Variants in SH3BGRL2 observed in about 807,000 individuals in gnomAD.
SH3BGRL2 encodes SH3 domain-binding glutamic acid-rich-like protein 2.
In SH3BGRL2, 21 loss-of-function variants were observed where a neutral mutation model predicts 14.8. The ratio of observed to expected loss-of-function variants is 1.42; its 90% confidence interval spans 1.01 to 2.05. The LOEUF is 2.05. Ranked by LOEUF, SH3BGRL2 falls within the 30% of genes most tolerant of loss-of-function variation. SH3BGRL2 has a pLI of 0.00. For synonymous variants in SH3BGRL2, 50 were observed against 47.8 expected, an observed-to-expected ratio of 1.05 and a Z score of -0.19; for missense variants, 147 against 130.8, an observed-to-expected ratio of 1.12 and a Z score of -0.61.
the SH3BGRL2 span, among the ~76,000 whole-genome samples, chr6:79,545,734 TTAATAC>T: frequency 6.6e-6 from 1 of 152,224 alleles, no homozygotes; most frequent in African/African-American, 2.4e-5. Context: ...CGCTGGCCAC[TTAATAC>T]TAGTGGTACT....
chr6:79,651,813 G>A (rs1413143529), intron 1 of SH3BGRL2, among the ~76,000 whole-genome samples: 2 of 152,168 alleles, frequency 1.3e-5, no homozygotes, highest in Non-Finnish European at 2.9e-5. Flanking sequence ...GGGTATAAAT[G>A]GGAGTTTGGT....
chr6:79,670,287 C>T (rs964081104), intron 1 of SH3BGRL2, among the ~76,000 whole-genome samples: 4 of 152,204 alleles, frequency 2.6e-5, no homozygotes, highest in African/African-American at 9.6e-5. Context: ...CATATTTTGC[C>T]TACTCCCAAT....
At chr6:79,661,381 G>T (rs888579889) in intron 1 of SH3BGRL2, among the ~76,000 whole-genome samples, 2 of 152,032 alleles carry the variant, frequency 1.3e-5, no homozygotes, top group Non-Finnish European at 2.9e-5. Flanking sequence ...CCTTCATTTC[G>T]TTATTTACCC....
the SH3BGRL2 span, among the ~76,000 whole-genome samples, chr6:79,589,206 A>T: frequency 0.28 from 39,969 of 141,284 alleles, 5,998 homozygotes; most frequent in Non-Finnish European, 0.31. Flanking sequence ...ATATATATAT[A>T]TTTTTTTTTT....
At chr6:79,635,987 T>A (rs183797252) in intron 1 of SH3BGRL2, among the ~76,000 whole-genome samples, 38 of 152,342 alleles carry the variant, frequency 2.5e-4, no homozygotes, top group Non-Finnish European at 5.0e-4. Context: ...CTGATGAGTT[T>A]AACATCAGTT....
the SH3BGRL2 span, among the ~76,000 whole-genome samples, chr6:79,543,659 C>A: frequency 1.3e-5 from 2 of 152,148 alleles, no homozygotes; most frequent in Non-Finnish European, 2.9e-5. Context: ...TATATGGAAA[C>A]CCCATATTAA....
chr6:79,607,220 T>C, the SH3BGRL2 span, among the ~76,000 whole-genome samples: 14 of 152,220 alleles, frequency 9.2e-5, no homozygotes, highest in Non-Finnish European at 1.5e-4. Context: ...TATCTCCCAC[T>C]GATTCCCTGT....
chr6:79,599,691 T>C, the SH3BGRL2 span, among the ~76,000 whole-genome samples: 1 of 152,116 alleles, frequency 6.6e-6, no homozygotes, highest in East Asian at 1.9e-4. Flanking sequence ...ACGGATTCAA[T>C]TGGCTAGGAC....
At chr6:79,602,991 G>T in the SH3BGRL2 span, among the ~76,000 whole-genome samples, 1 of 152,138 alleles carries the variant, frequency 6.6e-6, no homozygotes, top group East Asian at 1.9e-4. Flanking sequence ...GAGGGAGAAG[G>T]GTGAGAGAGT....
chr6:79,563,723 G>A, the SH3BGRL2 span, among the ~76,000 whole-genome samples: 2 of 152,154 alleles, frequency 1.3e-5, no homozygotes, highest in African/African-American at 4.8e-5. Flanking sequence ...GCAGCTGCAT[G>A]AGTGAGTCTA....
the SH3BGRL2 span, among the ~76,000 whole-genome samples, chr6:79,590,676 G>A: frequency 1.3e-5 from 2 of 151,796 alleles, no homozygotes; most frequent in African/African-American, 2.4e-5. Flanking sequence ...AGAGGCAGAA[G>A]GGAGGGAGAG....
chr6:79,621,292 T>A, the SH3BGRL2 span, among the ~76,000 whole-genome samples: 1 of 152,174 alleles, frequency 6.6e-6, no homozygotes, highest in African/African-American at 2.4e-5. Context: ...CAATCACTAA[T>A]GTGATAGTGT....
At chr6:79,616,700 T>A in the SH3BGRL2 span, among the ~76,000 whole-genome samples, 1 of 152,196 alleles carries the variant, frequency 6.6e-6, no homozygotes, top group Admixed American at 6.5e-5. Flanking sequence ...CTGCACTCAC[T>A]GTGTTAGGAC....
chr6:79,588,241 C>T, the SH3BGRL2 span, among the ~76,000 whole-genome samples: 16,898 of 145,498 alleles, frequency 0.12, 1,728 homozygotes, highest in East Asian at 0.58. Flanking sequence ...TGCAGTGAGC[C>T]GATTGTGCCA....
At chr6:79,619,444 G>A in the SH3BGRL2 span, among the ~76,000 whole-genome samples, 1 of 152,082 alleles carries the variant, frequency 6.6e-6, no homozygotes, top group Non-Finnish European at 1.5e-5. Context: ...CTATGCTGTT[G>A]TTGTTGCTAT....
chr6:79,584,006 C>A, the SH3BGRL2 span, among the ~76,000 whole-genome samples: 4 of 152,078 alleles, frequency 2.6e-5, no homozygotes, highest in African/African-American at 9.7e-5. Context: ...ATACAAGAGA[C>A]ATTGTGATGA....
At chr6:79,632,978 A>T (rs1377189585) in intron 1 of SH3BGRL2, among the ~76,000 whole-genome samples, 1 of 152,230 alleles carries the variant, frequency 6.6e-6, no homozygotes, top group Non-Finnish European at 1.5e-5. Context: ...TATCCCTTCC[A>T]CAAGAGATAA....
intron 1 of SH3BGRL2, among the ~76,000 whole-genome samples, chr6:79,673,338 G>T (rs1769811792): frequency 6.6e-6 from 1 of 152,058 alleles, no homozygotes; most frequent in Admixed American, 6.5e-5. Flanking sequence ...ACTTTGGGAG[G>T]CCGAGGTGGG....
the SH3BGRL2 span, among the ~76,000 whole-genome samples, chr6:79,576,616 A>G: frequency 6.6e-6 from 1 of 152,192 alleles, no homozygotes; most frequent in Non-Finnish European, 1.5e-5. Context: ...CTAGTTTTCT[A>G]TAGTGTTGTT....
Sources: allele counts gnomAD v4.1 joint callset (sites outside exome capture counted in the v4.1 genomes callset), GRCh38; gene constraint gnomAD v4.1.1; transcripts MANE v1.5; gene names NCBI Gene and HGNC (gene_info 2026-07-23, HGNC 2026-07-21).